Variants in LIPC observed in about 807,000 individuals in gnomAD.
LIPC encodes the protein hepatic triacylglycerol lipase.
In LIPC, 44 loss-of-function variants were observed where a neutral mutation model predicts 50.7. That is an observed-to-expected ratio of 0.87 (90% CI 0.68 to 1.11). LIPC has a LOEUF of 1.11. Ranked by LOEUF, LIPC falls within the 50% of genes most tolerant of loss-of-function variation. The pLI is 0.00. For synonymous variants in LIPC, 271 were observed against 256.4 expected, an observed-to-expected ratio of 1.06 and a Z score of -0.54; for missense variants, 697 against 648.2, an observed-to-expected ratio of 1.08 and a Z score of -0.82.
intron 7 of LIPC, among the ~76,000 whole-genome samples, chr15:58,562,220 T>A (rs1894190495): frequency 2.0e-5 from 3 of 152,044 alleles, no homozygotes; most frequent in Admixed American, 2.0e-4. Flanking sequence ...AACCCTCACG[T>A]CCCTCCTCAG....
chr15:58,492,346 T>C (rs531872761), intron 1 of LIPC, among the ~76,000 whole-genome samples: 1 of 152,346 alleles, frequency 6.6e-6, no homozygotes, highest in East Asian at 1.9e-4. Flanking sequence ...CTGTCATTAA[T>C]TGATATTATT....
chr15:58,496,428 C>G (rs1189892179), intron 1 of LIPC, among the ~76,000 whole-genome samples: 1 of 152,102 alleles, frequency 6.6e-6, no homozygotes, highest in African/African-American at 2.4e-5. Context: ...TCCTTGGCTC[C>G]AGTGCTCAGA....
chr15:58,512,234 G>A (rs1403347433), intron 1 of LIPC, among the ~76,000 whole-genome samples: 2 of 151,992 alleles, frequency 1.3e-5, no homozygotes, highest in African/African-American at 4.8e-5. Flanking sequence ...CAGTAGCTGA[G>A]ACTACAGGCA....
chr15:58,523,253 T>C (rs1892706901), intron 1 of LIPC: 1 of 152,482 alleles, frequency 6.6e-6, no homozygotes, highest in Non-Finnish European at 1.5e-5. Context: ...GAGTCAGTTC[T>C]GCCAGAGATG....
At chr15:58,449,818 A>G (rs1300701483) in intron 1 of LIPC, among the ~76,000 whole-genome samples, 1 of 152,170 alleles carries the variant, frequency 6.6e-6, no homozygotes, top group Non-Finnish European at 1.5e-5. Flanking sequence ...GGGATTACAG[A>G]CAGGTGTGAG....
intron 1 of LIPC, among the ~76,000 whole-genome samples, chr15:58,531,192 G>T (rs375178031): frequency 6.6e-6 from 1 of 152,274 alleles, no homozygotes; most frequent in East Asian, 1.9e-4. Flanking sequence ...ATATTCCGTT[G>T]TGTTTTAAAT....
chr15:58,510,948 A>G (rs1892310014), intron 1 of LIPC, among the ~76,000 whole-genome samples: 1 of 152,226 alleles, frequency 6.6e-6, no homozygotes, highest in African/African-American at 2.4e-5. Flanking sequence ...TTAGTATACA[A>G]AGTGCTGTCA....
intron 8 of LIPC, among the ~76,000 whole-genome samples, chr15:58,564,799 G>T (rs1328981325): frequency 6.6e-6 from 1 of 152,082 alleles, no homozygotes; most frequent in African/African-American, 2.4e-5. Flanking sequence ...CCCAGCAAAA[G>T]AAAGGGCTGC....
chr15:58,532,495 A>C (rs1391875902), intron 1 of LIPC, among the ~76,000 whole-genome samples: 1 of 152,214 alleles, frequency 6.6e-6, no homozygotes, highest in Admixed American at 6.5e-5. Context: ...TATTTTCAGC[A>C]GTGGATGTTT....
intron 1 of LIPC, among the ~76,000 whole-genome samples, chr15:58,504,780 C>A (rs1212150524): frequency 6.6e-6 from 1 of 152,210 alleles, no homozygotes; most frequent in Non-Finnish European, 1.5e-5. Flanking sequence ...CAGCAGCACA[C>A]GTGGAGAGTA....
chr15:58,490,230 G>C (rs376697028), intron 1 of LIPC, among the ~76,000 whole-genome samples: 1 of 152,120 alleles, frequency 6.6e-6, no homozygotes, highest in African/African-American at 2.4e-5. Context: ...CAGGCACAGG[G>C]TATCAGGCCA....
intron 1 of LIPC, among the ~76,000 whole-genome samples, chr15:58,484,349 G>T (rs886963123): frequency 5.3e-5 from 8 of 152,192 alleles, no homozygotes; most frequent in Non-Finnish European, 8.8e-5. Context: ...CCTCAAAAGG[G>T]CCTTGGGATC....
chr15:58,515,204 C>A (rs1283766508), intron 1 of LIPC, among the ~76,000 whole-genome samples: 1 of 152,184 alleles, frequency 6.6e-6, no homozygotes, highest in Non-Finnish European at 1.5e-5. Flanking sequence ...AAGATCCTTA[C>A]CTTAATCACA....
chr15:58,562,451 C>T (rs1178736705), intron 7 of LIPC, among the ~76,000 whole-genome samples: 1 of 152,190 alleles, frequency 6.6e-6, no homozygotes, highest in Non-Finnish European at 1.5e-5. Context: ...AATCAGCCTG[C>T]TCTGCCAGCC....
At chr15:58,460,672 G>A (rs79233764) in intron 1 of LIPC, among the ~76,000 whole-genome samples, 3,877 of 152,222 alleles carry the variant, frequency 0.025, 165 homozygotes, top group African/African-American at 0.089. Context: ...AAACTCAATG[G>A]CCCACTGCAG....
Position 58,548,420 on chromosome 15 carries a change from A to T in LIPC, c.899A>T (p.Tyr300Phe), listed in dbSNP as rs774075210. Residue 300 changes from tyrosine to phenylalanine, a missense_variant, in exon 6 of 9, where the codon TAC becomes TTC. Coordinates refer to ENST00000299022, the MANE Select transcript of LIPC (RefSeq NM_000236.3). ...LLHAGTQSMA[Y>F]PCGDMNSFSQ... ...CACGCCGGCACGCAGAGCATGGCCT[A>T]CCCGTGTGGTGACATGAACAGCTTC... 1 of 1,613,926 alleles carries T rather than the reference A, an allele frequency of 6.2e-7. No homozygotes were observed.
At chr15:58,468,758 C>T (rs1447836968) in intron 1 of LIPC, among the ~76,000 whole-genome samples, 1 of 152,188 alleles carries the variant, frequency 6.6e-6, no homozygotes, top group Non-Finnish European at 1.5e-5. Flanking sequence ...GACTGACAAC[C>T]ACAGAACTAC....
At chr15:58,513,323 T>C (rs1314249847) in intron 1 of LIPC, among the ~76,000 whole-genome samples, 1 of 152,244 alleles carries the variant, frequency 6.6e-6, no homozygotes, top group Non-Finnish European at 1.5e-5. Context: ...TTCCAGACAC[T>C]TGCTCCCAAG....
intron 1 of LIPC, chr15:58,522,288 G>A (rs1892681393): frequency 1.3e-5 from 2 of 153,404 alleles, no homozygotes; most frequent in Non-Finnish European, 2.9e-5. Flanking sequence ...CCCTGGCTGG[G>A]TAGCATGGGA....
Sources: gnomAD v4.1 joint callset for allele counts (sites outside exome capture counted in the v4.1 genomes callset) on GRCh38, gnomAD v4.1.1 for gene constraint, MANE v1.5 for transcripts, NCBI Gene and HGNC (gene_info 2026-07-23, HGNC 2026-07-21) for gene names.